The following CCSER1 variants were observed in gnomAD, a reference collection of about 807,000 sequenced individuals.
CCSER1 encodes the protein serine-rich coiled-coil domain-containing protein 1.
In CCSER1, 41 loss-of-function variants were observed where a neutral mutation model predicts 82.0. The observed-to-expected ratio is 0.50, with a 90% CI of 0.39 to 0.65. CCSER1 has a LOEUF of 0.65. Among genes scored for constraint, CCSER1 ranks in the 30% least tolerant of loss-of-function variants. The pLI, the probability that CCSER1 is intolerant of heterozygous loss-of-function variation, is 0.00. For missense variants in CCSER1, 1,119 were observed against 1,064.2 expected (o/e 1.05, Z -0.72); for synonymous variants, 414 against 383.9 (o/e 1.08, Z -0.92).
At chr4:91,231,667 T>G (rs1452041815) in intron 10 of CCSER1, among the ~76,000 whole-genome samples, 3 of 151,824 alleles carry the variant, frequency 2.0e-5, no homozygotes, top group Admixed American at 6.6e-5. Context: ...TATGAATTCA[T>G]GTAAAGTTAT....
intron 10 of CCSER1, among the ~76,000 whole-genome samples, chr4:91,527,985 G>C (rs1227304947): frequency 2.0e-5 from 3 of 152,040 alleles, no homozygotes; most frequent in Non-Finnish European, 2.9e-5. Flanking sequence ...CGCGATCTCG[G>C]CTCCCTGCAA....
At chr4:91,517,531 T>C (rs1416880708) in intron 10 of CCSER1, among the ~76,000 whole-genome samples, 2 of 152,220 alleles carry the variant, frequency 1.3e-5, no homozygotes, top group African/African-American at 2.4e-5. Flanking sequence ...TGTTTTCTTA[T>C]AATCCACAAC....
intron 6 of CCSER1, among the ~76,000 whole-genome samples, chr4:90,703,314 TTTATTGCACTGTG>T (rs1462027134): frequency 6.6e-6 from 1 of 152,254 alleles, no homozygotes; most frequent in Non-Finnish European, 1.5e-5. Context: ...GAGTTCTAGT[TTTATTGCACTGTG>T]TTCTGAGAGA....
chr4:90,467,476 G>A (rs542211069), intron 4 of CCSER1, among the ~76,000 whole-genome samples: 4 of 152,172 alleles, frequency 2.6e-5, no homozygotes, highest in Non-Finnish European at 5.9e-5. Context: ...TCGAGGTCAG[G>A]AGTTCAAGAC....
chr4:90,415,900 G>A (rs1755713624), intron 4 of CCSER1, among the ~76,000 whole-genome samples: 1 of 152,176 alleles, frequency 6.6e-6, no homozygotes, highest in South Asian at 2.1e-4. Context: ...TTACAATACT[G>A]TTTCTTTAAT....
intron 3 of CCSER1, among the ~76,000 whole-genome samples, chr4:90,352,964 A>G (rs1743763362): frequency 6.7e-6 from 1 of 148,598 alleles, no homozygotes; most frequent in South Asian, 2.1e-4. Flanking sequence ...GATAGCCTGC[A>G]ATATGCAGAG....
intron 8 of CCSER1, among the ~76,000 whole-genome samples, chr4:90,922,337 G>A (rs1728506021): frequency 1.3e-5 from 2 of 151,954 alleles, no homozygotes; most frequent in Admixed American, 1.3e-4. Flanking sequence ...GAAAGGAAGG[G>A]AGGTGAGGAT....
intron 10 of CCSER1, among the ~76,000 whole-genome samples, chr4:91,227,561 T>C (rs991587037): frequency 1.1e-4 from 17 of 151,826 alleles, no homozygotes; most frequent in African/African-American, 3.9e-4. Context: ...CTGGTTTTTT[T>C]TTTTACCCAA....
intron 5 of CCSER1, among the ~76,000 whole-genome samples, chr4:90,621,669 G>A (rs760835211): frequency 9.9e-5 from 15 of 151,998 alleles, no homozygotes; most frequent in Non-Finnish European, 1.5e-4. Flanking sequence ...CTACTTATTG[G>A]AATATTTGAC....
intron 10 of CCSER1, among the ~76,000 whole-genome samples, chr4:91,497,335 T>C (rs1758978401): frequency 6.6e-6 from 1 of 151,756 alleles, no homozygotes; most frequent in Non-Finnish European, 1.5e-5. Flanking sequence ...AGTTCTAATA[T>C]TACTGGTTTA....
intron 1 of CCSER1, among the ~76,000 whole-genome samples, chr4:90,142,971 C>A (rs1417565158): frequency 6.6e-6 from 1 of 152,132 alleles, no homozygotes; most frequent in African/African-American, 2.4e-5. Flanking sequence ...AGGAGTTCGG[C>A]AAATTTACAT....
At chr4:90,891,132 G>C (rs1722901806) in intron 8 of CCSER1, among the ~76,000 whole-genome samples, 1 of 151,614 alleles carries the variant, frequency 6.6e-6, no homozygotes, top group Non-Finnish European at 1.5e-5. Flanking sequence ...TTTTGAGAGT[G>C]AAACAGAAAA....
intron 10 of CCSER1, among the ~76,000 whole-genome samples, chr4:91,136,816 T>A (rs975072732): frequency 6.6e-6 from 1 of 152,102 alleles, no homozygotes. Flanking sequence ...TGTAACTGTG[T>A]CAACTTATAC....
chr4:90,720,804 A>G (rs1387393890), intron 6 of CCSER1, among the ~76,000 whole-genome samples: 2 of 152,000 alleles, frequency 1.3e-5, no homozygotes, highest in African/African-American at 4.8e-5. Context: ...TCAATAATAA[A>G]TATAATAGTA....
At chr4:91,165,980 G>A (rs1052828248) in intron 10 of CCSER1, among the ~76,000 whole-genome samples, 2 of 152,234 alleles carry the variant, frequency 1.3e-5, no homozygotes, top group Non-Finnish European at 2.9e-5. Flanking sequence ...AGGTACCTCA[G>A]TAGGAAATGC....
At chr4:91,496,310 A>G (rs1758802347) in intron 10 of CCSER1, among the ~76,000 whole-genome samples, 1 of 151,236 alleles carries the variant, frequency 6.6e-6, no homozygotes, top group African/African-American at 2.4e-5. Context: ...CCAGTTCAGC[A>G]GATTAGAATA....
intron 10 of CCSER1, among the ~76,000 whole-genome samples, chr4:91,151,205 C>T (rs192728624): frequency 0.012 from 1,761 of 151,870 alleles, 20 homozygotes; most frequent in Non-Finnish European, 0.02. Flanking sequence ...TGGGAGGGTG[C>T]ATTTGTCGAG....
intron 10 of CCSER1, among the ~76,000 whole-genome samples, chr4:91,510,682 A>G (rs1015692810): frequency 6.6e-6 from 1 of 151,852 alleles, no homozygotes; most frequent in African/African-American, 2.4e-5. Context: ...GTTTGTTTTT[A>G]CTTATTGATT....
intron 5 of CCSER1, among the ~76,000 whole-genome samples, chr4:90,595,603 G>A (rs904196990): frequency 1.3e-4 from 20 of 151,878 alleles, no homozygotes; most frequent in Admixed American, 7.9e-4. Flanking sequence ...CTTTCAAAAT[G>A]TGAACAACGT....
Sources: gnomAD v4.1 joint callset for allele counts (sites outside exome capture counted in the v4.1 genomes callset) on GRCh38, gnomAD v4.1.1 for gene constraint, MANE v1.5 for transcripts, NCBI Gene and HGNC (gene_info 2026-07-23, HGNC 2026-07-21) for gene names.